KIF13A: variants seen among roughly 807,000 people sequenced by gnomAD.
The protein encoded by KIF13A is kinesin family member 13A.
In KIF13A, 79 loss-of-function variants were observed where a neutral mutation model predicts 212.2. That is an observed-to-expected ratio of 0.37 (90% confidence interval 0.31 to 0.45). The LOEUF (loss-of-function observed/expected upper bound fraction) is 0.45. Among genes scored for constraint, KIF13A ranks in the 20% least tolerant of loss-of-function variants. The pLI is 1.00. For missense variants in KIF13A, 1,901 were observed against 2,209.0 expected, an observed-to-expected ratio of 0.86 and a Z score of 2.79; for synonymous variants, 789 against 808.6, an observed-to-expected ratio of 0.98 and a Z score of 0.41.
Position 17,915,175 on chromosome 6 carries a change from A to T in KIF13A, c.147-16995T>A, listed in dbSNP as rs1774385866. On this transcript the variant is annotated intron_variant, in intron 2 of 38. Transcript: ENST00000259711. This position sits in a 1 kb window ranked among gnomAD's most constrained non-coding sequence, Gnocchi z 4.4. ...TGCTCCATGTAATAGCTTCAGGGTT[A>T]TTAGCTGAATAATCCCTTAGGTTAC... 6.6e-6 allele frequency among the ~76,000 whole-genome samples: 1 copy of T among 152,192 alleles called. No individual in the cohort carries two copies.
chr6:17,891,299 GA>G (rs1419984254), intron 3 of KIF13A, among the ~76,000 whole-genome samples: 1 of 152,036 alleles, frequency 6.6e-6, no homozygotes, highest in East Asian at 1.9e-4. Context: ...TTATCAAAGA[GA>G]AAAACCCAAA....
rs367756319 is a variant in KIF13A, at chr6:17,816,323, C to G, written c.2000+697G>C. Reference sequence around the variant, plus strand: ...GGCTCAAGTGACCCTCCCTCCTAAGCCTCCCAAGTAGCTGGGATTATAGGC... The same window carrying G: ...GGCTCAAGTGACCCTCCCTCCTAAGGCTCCCAAGTAGCTGGGATTATAGGC... On this transcript the variant is annotated intron_variant, in intron 17 of 38. Transcript: ENST00000259711. The surrounding 1 kb of genome is among the most constrained non-coding windows in gnomAD (Gnocchi z 4.3). Among the ~76,000 whole-genome samples the G allele has an allele frequency of 5.9e-5, 9 of 152,264 alleles. No individual in the cohort carries two copies. In the East Asian group the frequency reaches 1.7e-3, roughly 29 times the overall value.
At chr6:17,985,389 T>C (rs1417311847) in intron 2 of KIF13A, among the ~76,000 whole-genome samples, 1 of 152,136 alleles carries the variant, frequency 6.6e-6, no homozygotes. Context: ...CAGTTATAGA[T>C]TGTACCAAAT....
intron 4 of KIF13A, among the ~76,000 whole-genome samples, chr6:17,870,300 C>T (rs949741757): frequency 6.6e-6 from 1 of 152,118 alleles, no homozygotes; most frequent in South Asian, 2.1e-4. Context: ...ATCATGCAAC[C>T]TAAAATTTAC....
chr6:17,846,495 C>A (rs1767074719), intron 9 of KIF13A, among the ~76,000 whole-genome samples: 1 of 150,926 alleles, frequency 6.6e-6, no homozygotes, highest in South Asian at 2.1e-4. Context: ...AGGCCAGAAG[C>A]AGTGGCTCAC....
At chr6:17,944,658 A>C (rs1417800808) in intron 2 of KIF13A, among the ~76,000 whole-genome samples, 1 of 152,148 alleles carries the variant, frequency 6.6e-6, no homozygotes, top group East Asian at 1.9e-4. Context: ...AGAAACAAAA[A>C]ACACGTAGAA....
At position 17,772,257 on chromosome 6, in the gene KIF13A, CAGAT is replaced by C. The variant is rs1003867974; in HGVS notation, c.4325-202_4325-199del. ...ACCAGTCTGTGAAAAAAAAAATAAACAGATAGCCAGGCATGGTGGTGTCTACTTG... is the reference window on the plus strand; with the variant it reads ...ACCAGTCTGTGAAAAAAAAAATAAACAGCCAGGCATGGTGGTGTCTACTTG... On this transcript the variant is annotated intron_variant, in intron 36 of 38. Transcript: ENST00000259711. This position sits in a 1 kb window ranked among gnomAD's most constrained non-coding sequence, Gnocchi z 4.8. 3.3e-5 allele frequency among the ~76,000 whole-genome samples: 5 copies of C among 152,062 alleles called. No individual in the cohort carries two copies. Among genetic ancestry groups the C allele is most frequent in the African/African-American group, 4.8e-5 (2 of 41,502 alleles).
intron 7 of KIF13A, among the ~76,000 whole-genome samples, chr6:17,851,102 C>A (rs1217452115): frequency 6.6e-6 from 1 of 152,216 alleles, no homozygotes; most frequent in East Asian, 1.9e-4. Flanking sequence ...ACCTCAACCA[C>A]ACTGAGCTAA....
At position 17,809,760 on chromosome 6, in the gene KIF13A, T is replaced by C. The variant is rs115206315; in HGVS notation, c.2001-830A>G. Among the ~76,000 whole-genome samples, 1,240 of 152,278 alleles carry C rather than the reference T, an allele frequency of 8.1e-3. 21 individuals carry two copies. Among genetic ancestry groups the C allele is most frequent in the African/African-American group, 0.029 (1,197 of 41,550 alleles). On this transcript the variant is annotated intron_variant, in intron 17 of 38. Transcript: ENST00000259711. This position sits in a 1 kb window ranked among gnomAD's most constrained non-coding sequence, Gnocchi z 4.7. ...TAAAGTCACTCCATCTAGCAATTGC[T>C]CTGTGTCATATATAACTTCTCTTTT...
intron 4 of KIF13A, among the ~76,000 whole-genome samples, chr6:17,870,553 G>C (rs1294766403): frequency 1.3e-5 from 2 of 151,916 alleles, no homozygotes; most frequent in Non-Finnish European, 2.9e-5. Flanking sequence ...GATTCCAGAA[G>C]ATATGGAAAA....
At chr6:17,821,395 G>A (rs1470835834) in intron 16 of KIF13A, among the ~76,000 whole-genome samples, 2 of 152,158 alleles carry the variant, frequency 1.3e-5, no homozygotes, top group African/African-American at 4.8e-5. Context: ...ATATCTGGAA[G>A]TACTACTGAC....
chr6:17,909,063 C>T (rs796710210), intron 2 of KIF13A, among the ~76,000 whole-genome samples: 14 of 152,326 alleles, frequency 9.2e-5, no homozygotes, highest in African/African-American at 3.4e-4. Context: ...ACATCATTAG[C>T]ATGCAGAGTT....
At chr6:17,952,303 CAAA>C (rs35418848) in intron 2 of KIF13A, among the ~76,000 whole-genome samples, 8 of 102,302 alleles carry the variant, frequency 7.8e-5, no homozygotes, top group Non-Finnish European at 4.0e-5. Context: ...GACTCCGTCT[CAAA>C]AAAAAAAAAA....
At position 17,786,058 on chromosome 6, in the gene KIF13A, C is replaced by T. The variant is rs1019167466; in HGVS notation, c.3362-417G>A. Among the ~76,000 whole-genome samples, 6 of 152,140 alleles carry T rather than the reference C, an allele frequency of 3.9e-5. No individual in the cohort carries two copies. The highest frequency in any genetic ancestry group is 1.4e-4 in the African/African-American group (6 of 41,446). ...ATGCATAGGGAGCTAAGAGGGGCTTCAACACCAATTTAAGGAACTGCAAGC... is the reference window on the plus strand; with the variant it reads ...ATGCATAGGGAGCTAAGAGGGGCTTTAACACCAATTTAAGGAACTGCAAGC... On this transcript the variant is annotated intron_variant, in intron 27 of 38. Transcript: ENST00000259711. The surrounding 1 kb of genome is among the most constrained non-coding windows in gnomAD (Gnocchi z 5.4).
chr6:17,881,415 G>A (rs935524241), intron 3 of KIF13A: 3 of 423,276 alleles, frequency 7.1e-6, no homozygotes, highest in South Asian at 5.1e-5. Flanking sequence ...CATCTCTGAT[G>A]GCATTTCAGC....
chr6:17,790,374 C>A (rs989728863), intron 25 of KIF13A, among the ~76,000 whole-genome samples: 60 of 152,198 alleles, frequency 3.9e-4, no homozygotes, highest in African/African-American at 1.4e-3. Context: ...CACTCCACCT[C>A]AGCCTGGGCA....
intron 2 of KIF13A, among the ~76,000 whole-genome samples, chr6:17,964,580 C>T (rs987978859): frequency 1.3e-5 from 2 of 151,938 alleles, no homozygotes; most frequent in African/African-American, 2.4e-5. Context: ...TAGAAAATGT[C>T]GGTGAGGAAG....
At chr6:17,833,178 G>C (rs1581458585) in intron 12 of KIF13A, among the ~76,000 whole-genome samples, 1 of 152,030 alleles carries the variant, frequency 6.6e-6, no homozygotes, top group Admixed American at 6.6e-5. Flanking sequence ...TTGATAAAAA[G>C]ACCTGACGTC....
rs59829504 is a variant in KIF13A, at chr6:17,775,959, G to A, written c.4171-897C>T. On this transcript the variant is annotated intron_variant, in intron 34 of 38. Transcript: ENST00000259711. Reference sequence around the variant, plus strand: ...TGCAATGGCGCAATCTCGGCGCACCGCAATCTCCTCCTGGGTTCAAGCGAT... The same window carrying A: ...TGCAATGGCGCAATCTCGGCGCACCACAATCTCCTCCTGGGTTCAAGCGAT... Among the ~76,000 whole-genome samples, 195 of 152,002 alleles carry A rather than the reference G, an allele frequency of 1.3e-3. 2 individuals carry two copies. The highest frequency in any genetic ancestry group is 4.2e-3 in the African/African-American group (174 of 41,468).
Sources: gnomAD v4.1 joint callset for allele counts (sites outside exome capture counted in the v4.1 genomes callset) on GRCh38, gnomAD v4.1.1 for gene constraint, Gnocchi (gnomAD v3.1) non-coding constraint, MANE v1.5 for transcripts, NCBI Gene and HGNC (gene_info 2026-07-23, HGNC 2026-07-21) for gene names.